The following SGK1 variants were observed in gnomAD, a reference collection of about 807,000 sequenced individuals.
SGK1 encodes serum/glucocorticoid regulated kinase 1.
SGK1 carries 26 observed loss-of-function variants against 64.2 expected under a neutral mutation model. That is an observed-to-expected ratio of 0.40 (90% CI 0.30 to 0.56). The LOEUF is 0.56. SGK1 is among the 20% of genes least tolerant of loss of function. The pLI, the probability that SGK1 is intolerant of heterozygous loss-of-function variation, is 0.38. For synonymous variants in SGK1, 265 were observed against 239.7 expected (o/e 1.11, Z -0.98); for missense variants, 519 against 645.6 (o/e 0.80, Z 2.12).
At chr6:134,237,095 C>T (rs1776375867) in intron 2 of SGK1, among the ~76,000 whole-genome samples, 1 of 148,334 alleles carries the variant, frequency 6.7e-6, no homozygotes, top group African/African-American at 2.5e-5. Context: ...CACTCCGTCA[C>T]CCAGTTTGGA....
At chr6:134,172,427 T>C in intron 9 of SGK1, 111 bp from the exon 10 acceptor site, 4 of 1,090,168 alleles carry the variant, frequency 3.7e-6, no homozygotes, top group East Asian at 2.4e-5. Context: ...TCACTGTAGT[T>C]GTGTAGTGAA....
chr6:134,313,330 C>A (rs6932948), intron 1 of SGK1, among the ~76,000 whole-genome samples: 10,632 of 152,146 alleles, frequency 0.07, 680 homozygotes, highest in African/African-American at 0.17. Context: ...CATAGTGAGA[C>A]CTTGTCTCTG....
intron 3 of SGK1, among the ~76,000 whole-genome samples, chr6:134,195,787 AT>A (rs1775585870): frequency 6.6e-6 from 1 of 152,200 alleles, no homozygotes; most frequent in African/African-American, 2.4e-5. Context: ...CAGGAAGCTT[AT>A]CAGTTTTGTG....
At chr6:134,247,276 C>T (rs142071963) in intron 2 of SGK1, among the ~76,000 whole-genome samples, 1,563 of 152,232 alleles carry the variant, frequency 0.01, 81 homozygotes, top group Admixed American at 0.088. Context: ...GGGAAAATCC[C>T]TCTTTTGATG....
intron 4 of SGK1, 193 bp from the exon 5 acceptor site, chr6:134,174,273 T>C: frequency 1.7e-6 from 1 of 605,140 alleles, no homozygotes; most frequent in Non-Finnish European, 2.9e-6. Flanking sequence ...TTGTTGCTCA[T>C]GGAGAAAGGC....
intron 3 of SGK1, among the ~76,000 whole-genome samples, chr6:134,188,054 C>G (rs970921708): frequency 6.6e-6 from 1 of 152,164 alleles, no homozygotes; most frequent in Non-Finnish European, 1.5e-5. Flanking sequence ...TCCATCCTTG[C>G]CACCATGGCT....
At chr6:134,298,523 G>T (rs1347803192) in intron 1 of SGK1, 1 of 801,328 alleles carries the variant, frequency 1.2e-6, no homozygotes, top group South Asian at 1.4e-5. Context: ...CTCCCATGCC[G>T]CTGGCCCCAC....
chr6:134,243,458 C>T (rs1776477959), intron 2 of SGK1, among the ~76,000 whole-genome samples: 1 of 152,128 alleles, frequency 6.6e-6, no homozygotes, highest in Non-Finnish European at 1.5e-5. Flanking sequence ...CAACCTCCGC[C>T]TCCTGGGTTC....
intron 2 of SGK1, among the ~76,000 whole-genome samples, chr6:134,222,039 A>T (rs140458895): frequency 1.8e-3 from 271 of 152,332 alleles, no homozygotes; most frequent in South Asian, 3.9e-3. Context: ...CTAGAATTAA[A>T]GGAGATAATT....
Position 134,317,774 on chromosome 6 carries a change from T to G in SGK1, c.-314A>C. The G allele has an allele frequency of 3.5e-6, 1 of 283,954 alleles. No individual in the cohort carries two copies. Among genetic ancestry groups the G allele is most frequent in the Non-Finnish European group, 6.6e-6 (1 of 152,170 alleles). The allele number at this position is 283,954 out of a possible 1,614,324, so 17.6% of individuals were successfully genotyped here. A position where few individuals can be genotyped will look rare whatever the true frequency, so the allele number is the denominator to read the frequency against. On this transcript the variant is annotated 5_prime_UTR_variant, in exon 1 of 14. Transcript: ENST00000367858. ...ATCTCCGGGGAGATGCTGTGGCTCT[T>G]ACCGAGCGGGAGAAGGGTACGCCTC...
At chr6:134,191,615 G>A (rs376115796) in intron 3 of SGK1, among the ~76,000 whole-genome samples, 1 of 151,564 alleles carries the variant, frequency 6.6e-6, no homozygotes, top group African/African-American at 2.4e-5. Flanking sequence ...TTTCTTGAAC[G>A]ATTATACTAA....
At chr6:134,303,794 A>AAAAAAG (rs1554228522) in intron 1 of SGK1, among the ~76,000 whole-genome samples, 45 of 150,468 alleles carry the variant, frequency 3.0e-4, no homozygotes, top group African/African-American at 9.8e-4. Flanking sequence ...CAAGAAAAAA[A>AAAAAAG]AAAAGAAAAG....
At chr6:134,213,643 T>A (rs111341330) in intron 2 of SGK1, among the ~76,000 whole-genome samples, 2,551 of 27,746 alleles carry the variant, frequency 0.092, 74 homozygotes, top group African/African-American at 0.17. Context: ...AATAAATAAA[T>A]AATAAATAAA....
intron 1 of SGK1, chr6:134,297,316 A>G (rs1397879182): frequency 8.2e-7 from 1 of 1,224,686 alleles, no homozygotes; most frequent in Non-Finnish European, 1.2e-6. Context: ...ACACGCAGCT[A>G]TCGCGCCATG....
intron 2 of SGK1, among the ~76,000 whole-genome samples, chr6:134,208,797 CAT>C (rs1436582455): frequency 4.0e-5 from 6 of 150,870 alleles, no homozygotes; most frequent in African/African-American, 1.5e-4. Context: ...TACACACACA[CAT>C]ACATATACAC....
At chr6:134,189,291 C>T (rs1415800981) in intron 3 of SGK1, among the ~76,000 whole-genome samples, 1 of 151,632 alleles carries the variant, frequency 6.6e-6, no homozygotes, top group African/African-American at 2.4e-5. Flanking sequence ...TCTGATAACA[C>T]CAACTTTGTT....
Position 134,173,451 on chromosome 6 carries a change from T to G in SGK1, c.618+11A>C, listed in dbSNP as rs777785528. 41 of 1,602,078 alleles carry G rather than the reference T, an allele frequency of 2.6e-5. No individual in the cohort carries two copies. Among genetic ancestry groups the G allele is most frequent in the Non-Finnish European group, 3.3e-5 (39 of 1,171,662 alleles). On this transcript the variant is annotated intron_variant, in intron 6 of 13. Coordinates refer to ENST00000367858, the MANE Select transcript of SGK1 (RefSeq NM_001143676.3). ...GGAAGTGTACCAAAAGATCTTCAGATTTGAAATTACCTTTCCAAAACTGCC... is the reference window on the plus strand; with the variant it reads ...GGAAGTGTACCAAAAGATCTTCAGAGTTGAAATTACCTTTCCAAAACTGCC...
intron 3 of SGK1, chr6:134,174,862 G>C: frequency 6.2e-7 from 1 of 1,610,052 alleles, no homozygotes. Context: ...CTCGGCGTAT[G>C]CTGCGCCAGG....
At chr6:134,274,667 GAA>G (rs752128288) in intron 1 of SGK1, among the ~76,000 whole-genome samples, 1 of 111,748 alleles carries the variant, frequency 8.9e-6, no homozygotes. Flanking sequence ...TCCAAAATCT[GAA>G]AAAAAAAAAA....
Sources: gnomAD v4.1 joint callset for allele counts (sites outside exome capture counted in the v4.1 genomes callset) on GRCh38, gnomAD v4.1.1 for gene constraint, MANE v1.5 for transcripts, NCBI Gene and HGNC (gene_info 2026-07-23, HGNC 2026-07-21) for gene names.